TMEM163: variants seen among roughly 807,000 people sequenced by gnomAD.
TMEM163 encodes the protein transmembrane protein 163.
TMEM163 carries 17 observed loss-of-function variants against 29.3 expected under a neutral mutation model. The ratio of observed to expected loss-of-function variants is 0.58; its 90% CI spans 0.40 to 0.87. TMEM163 has a LOEUF of 0.87. Ranked by LOEUF, TMEM163 falls within the 40% of genes least tolerant of loss-of-function variation. The pLI, the probability that TMEM163 is intolerant of heterozygous loss-of-function variation, is 0.00. For synonymous variants in TMEM163, 157 were observed against 160.6 expected (o/e 0.98, Z 0.17); for missense variants, 303 against 381.5 (o/e 0.79, Z 1.71).
chr2:134,480,847 T>A (rs1007527342), intron 5 of TMEM163, among the ~76,000 whole-genome samples: 2 of 152,234 alleles, frequency 1.3e-5, no homozygotes, highest in Non-Finnish European at 2.9e-5. Flanking sequence ...TATTATATAC[T>A]TTTTTATTGA....
At chr2:134,600,011 G>T (rs1210575267) in intron 2 of TMEM163, among the ~76,000 whole-genome samples, 8 of 152,200 alleles carry the variant, frequency 5.3e-5, no homozygotes, top group African/African-American at 1.9e-4. Context: ...TTCCAGCGTT[G>T]CTCCCATTAT....
At chr2:134,484,798 C>T (rs1275459729) in intron 5 of TMEM163, among the ~76,000 whole-genome samples, 1 of 152,120 alleles carries the variant, frequency 6.6e-6, no homozygotes, top group Non-Finnish European at 1.5e-5. Context: ...GTTAAAGGGT[C>T]AACCAGAGTA....
intron 2 of TMEM163, among the ~76,000 whole-genome samples, chr2:134,637,744 A>T (rs1683135283): frequency 6.6e-6 from 1 of 152,198 alleles, no homozygotes; most frequent in East Asian, 1.9e-4. Context: ...TGGGTAAATA[A>T]TTCTCTTACT....
chr2:134,619,855 AT>A (rs1457180832), intron 2 of TMEM163, among the ~76,000 whole-genome samples: 1 of 152,224 alleles, frequency 6.6e-6, no homozygotes, highest in Non-Finnish European at 1.5e-5. Flanking sequence ...AGGACACAAG[AT>A]CAATATACAA....
At chr2:134,513,657 C>T (rs749104631) in intron 4 of TMEM163, among the ~76,000 whole-genome samples, 2 of 152,214 alleles carry the variant, frequency 1.3e-5, no homozygotes, top group African/African-American at 4.8e-5. Flanking sequence ...GTGCTGCACA[C>T]TTGCAGGGCC....
intron 2 of TMEM163, among the ~76,000 whole-genome samples, chr2:134,629,009 A>G (rs1682912650): frequency 6.6e-6 from 1 of 152,228 alleles, no homozygotes; most frequent in African/African-American, 2.4e-5. Context: ...TTAGATGATC[A>G]GCTAGTTGCA....
chr2:134,602,845 C>T (rs755659048), intron 2 of TMEM163, among the ~76,000 whole-genome samples: 9 of 151,968 alleles, frequency 5.9e-5, no homozygotes, highest in Non-Finnish European at 1.2e-4. Context: ...TGTCTCCTCC[C>T]GTCCCTCCTT....
Position 134,493,795 on chromosome 2 carries a change from A to C in TMEM163, c.555+9106T>G, listed in dbSNP as rs182217573. Among the ~76,000 whole-genome samples, 8 of 152,290 alleles carry C rather than the reference A, an allele frequency of 5.3e-5. 1 individual carries two copies. Among genetic ancestry groups the C allele is most frequent in the African/African-American group, 1.9e-4 (8 of 41,572 alleles). On this transcript the variant is annotated intron_variant, in intron 5 of 7. Coordinates refer to ENST00000281924, the MANE Select transcript of TMEM163 (RefSeq NM_030923.5). ...TGAGGCTTATGATCCATTTTGAGTT[A>C]GCTCTTGAATAAGGGTTGATGCCCC...
intron 2 of TMEM163, among the ~76,000 whole-genome samples, chr2:134,581,900 G>A (rs1381672564): frequency 2.6e-5 from 4 of 152,222 alleles, no homozygotes; most frequent in Middle Eastern, 3.4e-3. Context: ...ATATTCCATC[G>A]TTCAAAATAT....
Position 134,718,918 on chromosome 2 carries a change from G to A in TMEM163, c.18C>T (p.Gly6=), listed in dbSNP as rs1247478551. Reference sequence around the variant, plus strand: ...GCCCCTGGGAGCTGCGGCGCTGGATGCCCGCGGCCGGCTCCATGGCGCGGG... The same window carrying A: ...GCCCCTGGGAGCTGCGGCGCTGGATACCCGCGGCCGGCTCCATGGCGCGGG... The part of the protein sequence containing the change: MEPAA[G]IQRRSSQGPT... Residue 6 remains glycine, a synonymous_variant, in exon 1 of 8, where the codon GGC becomes GGT. Transcript: ENST00000281924. 2.8e-6 allele frequency: 3 copies of A among 1,061,440 alleles called. No individual in the cohort carries two copies. Among genetic ancestry groups the A allele is most frequent in the African/African-American group, 1.7e-5 (1 of 58,694 alleles). 65.8% of individuals were successfully genotyped at this position (1,061,440 alleles called of 1,614,324 possible). A position where few individuals can be genotyped will look rare whatever the true frequency, so the allele number is the denominator to read the frequency against.
At chr2:134,462,153 C>G (rs529991061) in intron 6 of TMEM163, among the ~76,000 whole-genome samples, 1 of 130,848 alleles carries the variant, frequency 7.6e-6, no homozygotes, top group Non-Finnish European at 1.5e-5. Flanking sequence ...GGCATTGCCT[C>G]TGCTCTCTGT....
chr2:134,503,131 C>T, intron 4 of TMEM163, 134 bp from the exon 5 acceptor site: 10 of 774,286 alleles, frequency 1.3e-5, no homozygotes, highest in Non-Finnish European at 2.1e-5. Flanking sequence ...AGGGTGACCA[C>T]CCACAGTCCA....
chr2:134,640,232 A>C (rs1298299610), intron 2 of TMEM163, among the ~76,000 whole-genome samples: 1 of 152,196 alleles, frequency 6.6e-6, no homozygotes, highest in African/African-American at 2.4e-5. Context: ...ATGGCAGAGC[A>C]CAAGGACCAG....
intron 2 of TMEM163, among the ~76,000 whole-genome samples, chr2:134,712,668 T>G (rs1055950391): frequency 9.2e-5 from 14 of 152,174 alleles, no homozygotes; most frequent in African/African-American, 3.4e-4. Flanking sequence ...TTCCACTTCC[T>G]TAGTTTTTCT....
chr2:134,693,620 A>G (rs1033933761), intron 2 of TMEM163, among the ~76,000 whole-genome samples: 1 of 151,900 alleles, frequency 6.6e-6, no homozygotes, highest in Non-Finnish European at 1.5e-5. Flanking sequence ...AAAAAAAAAA[A>G]AAAAAAAAAA....
In TMEM163 at chr2:134,491,700, C is replaced by T. The variant is rs149777014; in HGVS notation, c.555+11201G>A. Among the ~76,000 whole-genome samples the T allele has an allele frequency of 1.7e-3, 265 of 152,302 alleles. 1 individual carries two copies. The highest frequency in any genetic ancestry group is 6.2e-3 in the South Asian group (30 of 4,824). Reference sequence around the variant, plus strand: ...GCAATGTGTCTAACGCCTCTGCCTACTTCAGAAACACCCTGAAGGTCTAAT... The same window carrying T: ...GCAATGTGTCTAACGCCTCTGCCTATTTCAGAAACACCCTGAAGGTCTAAT... On this transcript the variant is annotated intron_variant, in intron 5 of 7. Coordinates refer to ENST00000281924, the MANE Select transcript of TMEM163 (RefSeq NM_030923.5).
intron 4 of TMEM163, among the ~76,000 whole-genome samples, chr2:134,524,699 T>C (rs1558933359): frequency 6.6e-6 from 1 of 150,434 alleles, no homozygotes; most frequent in Non-Finnish European, 1.5e-5. Flanking sequence ...GGACATGATC[T>C]CATTCCTTTT....
chr2:134,668,261 C>A (rs965192112), intron 2 of TMEM163, among the ~76,000 whole-genome samples: 1 of 152,144 alleles, frequency 6.6e-6, no homozygotes, highest in South Asian at 2.1e-4. Context: ...GGAACAAGCC[C>A]ACAGTTCTCA....
At chr2:134,581,200 G>A (rs890111006) in intron 2 of TMEM163, among the ~76,000 whole-genome samples, 2 of 152,132 alleles carry the variant, frequency 1.3e-5, no homozygotes, top group Admixed American at 1.3e-4. Flanking sequence ...ACCATTTCTG[G>A]TTAACCTTGA....
Sources: allele counts gnomAD v4.1 joint callset (sites outside exome capture counted in the v4.1 genomes callset), GRCh38; gene constraint gnomAD v4.1.1; transcripts MANE v1.5; gene names NCBI Gene and HGNC (gene_info 2026-07-23, HGNC 2026-07-21).